The following RAPGEF2 variants were observed in gnomAD, a reference collection of about 807,000 sequenced individuals.
RAPGEF2 encodes the protein PDZ domain containing guanine nucleotide exchange factor (GEF) 1.
RAPGEF2 carries 54 observed loss-of-function variants against 186.7 expected under a neutral mutation model. The observed-to-expected ratio is 0.29, with a 90% CI of 0.23 to 0.36. RAPGEF2 has a LOEUF of 0.36. RAPGEF2 is among the 10% of genes least tolerant of loss of function. The pLI is 1.00. For missense variants in RAPGEF2, 1,532 were observed against 2,045.0 expected, an observed-to-expected ratio of 0.75 and a Z score of 4.84; for synonymous variants, 712 against 705.9, an observed-to-expected ratio of 1.01 and a Z score of -0.14.
At chr4:159,185,922 C>G (rs924487407) in intron 1 of RAPGEF2, among the ~76,000 whole-genome samples, 1 of 152,006 alleles carries the variant, frequency 6.6e-6, no homozygotes, top group Non-Finnish European at 1.5e-5. Flanking sequence ...GTAAATATCC[C>G]TCATATTCTT....
At chr4:159,133,733 G>A (rs1330309118) in intron 1 of RAPGEF2, among the ~76,000 whole-genome samples, 2 of 152,082 alleles carry the variant, frequency 1.3e-5, no homozygotes, top group Non-Finnish European at 2.9e-5. Context: ...ACAGGTGCCT[G>A]CCACCACGCC....
At chr4:159,203,826 A>G (rs1317389057) in intron 3 of RAPGEF2, among the ~76,000 whole-genome samples, 1 of 152,238 alleles carries the variant, frequency 6.6e-6, no homozygotes, top group Non-Finnish European at 1.5e-5. Context: ...TACTGCATAT[A>G]TATTGTTTCA....
Position 159,346,842 on chromosome 4 carries a change from G to C in RAPGEF2, c.3556G>C (p.Ala1186Pro). ...KPVKSETSPV[A>P]PRAGSQQKAQ... ...TGTCAAATCCGAGACCTCTCCAGTAGCTCCAAGGGCAGGGTCACAACAGAA... is the reference window on the plus strand; with the variant it reads ...TGTCAAATCCGAGACCTCTCCAGTACCTCCAAGGGCAGGGTCACAACAGAA... The change falls in exon 25 of 30, where the codon GCT (alanine) becomes CCT (proline). Residue 1186 changes from alanine (A) to proline (P), a missense_variant. Ala to Pro is a conservative substitution (Grantham distance 27). This residue lies in a region of RAPGEF2 where 594 missense variants were observed against 608.5 expected (regional missense o/e 0.98). Transcript: ENST00000691494. 1 of 1,614,120 alleles carries C rather than the reference G, an allele frequency of 6.2e-7. No homozygotes were observed. The highest frequency in any genetic ancestry group is 8.5e-7 in the Non-Finnish European group (1 of 1,180,024).
At chr4:159,286,271 C>T (rs984603842) in intron 7 of RAPGEF2, among the ~76,000 whole-genome samples, 1 of 152,086 alleles carries the variant, frequency 6.6e-6, no homozygotes, top group Non-Finnish European at 1.5e-5. Context: ...CTTCTACCTG[C>T]CTCACCATGA....
chr4:159,175,330 A>AT (rs935540061), intron 1 of RAPGEF2, among the ~76,000 whole-genome samples: 1 of 151,874 alleles, frequency 6.6e-6, no homozygotes, highest in Non-Finnish European at 1.5e-5. Context: ...TCTGCTATGG[A>AT]TTTTTTTTCT....
chr4:159,257,519 G>A (rs1342725947), intron 7 of RAPGEF2, among the ~76,000 whole-genome samples: 3 of 152,138 alleles, frequency 2.0e-5, no homozygotes, highest in South Asian at 2.1e-4. Flanking sequence ...TGGGAATTAC[G>A]GGAGCTGTAA....
At chr4:159,295,032 G>T (rs912723290) in intron 7 of RAPGEF2, among the ~76,000 whole-genome samples, 2 of 152,144 alleles carry the variant, frequency 1.3e-5, no homozygotes, top group Non-Finnish European at 2.9e-5. Flanking sequence ...CAACATCTGG[G>T]CTCTTCATAG....
intron 7 of RAPGEF2, among the ~76,000 whole-genome samples, chr4:159,303,021 TTGTA>T (rs1387559066): frequency 6.6e-6 from 1 of 152,156 alleles, no homozygotes; most frequent in African/African-American, 2.4e-5. Flanking sequence ...AATCTCCCCT[TTGTA>T]TGCCTTGTAT....
intron 7 of RAPGEF2, among the ~76,000 whole-genome samples, chr4:159,258,226 C>T (rs1199366065): frequency 6.6e-6 from 1 of 152,054 alleles, no homozygotes; most frequent in Non-Finnish European, 1.5e-5. Context: ...TTTAGAGCTG[C>T]TAAAGAGAGG....
At chr4:159,261,565 T>C (rs1398258589) in intron 7 of RAPGEF2, among the ~76,000 whole-genome samples, 2 of 152,224 alleles carry the variant, frequency 1.3e-5, no homozygotes, top group Non-Finnish European at 2.9e-5. Context: ...TTTGAGATGT[T>C]TACAAAGATC....
chr4:159,249,915 C>T lies in RAPGEF2; in HGVS notation c.543+6124C>T, dbSNP rs1028018311. Among the ~76,000 whole-genome samples the T allele has an allele frequency of 2.6e-5, 4 of 152,184 alleles. No homozygotes were observed. In the East Asian group the frequency reaches 5.8e-4, roughly 22 times the overall value. On this transcript the variant is annotated intron_variant, in intron 7 of 29. Transcript: ENST00000691494. ...TAGGGTTAAGTATATTAGTAGTAAA[C>T]TGGACTGACTGAGCATATCCATTTC...
At chr4:159,356,259 T>G in intron 29 of RAPGEF2, 101 bp downstream of exon 29, 1 of 1,211,182 alleles carries the variant, frequency 8.3e-7, no homozygotes, top group South Asian at 1.5e-5. Flanking sequence ...GTCAGCTATG[T>G]CTAACCATAT....
At position 159,346,972 on chromosome 4, in the gene RAPGEF2, T is replaced by C; in HGVS notation, c.3686T>C (p.Val1229Ala). 6.2e-7 allele frequency: 1 copy of C among 1,614,096 alleles called. No homozygotes were observed. Among genetic ancestry groups the C allele is most frequent in the Non-Finnish European group, 8.5e-7 (1 of 1,179,936 alleles). The change falls in exon 25 of 30, where the codon GTG becomes GCG. Residue 1229 changes from valine to alanine, a missense_variant. By Grantham distance (64) the Val-to-Ala change is moderately conservative. Around this residue, in one of 4 missense-constraint regions of RAPGEF2, gnomAD observed 594 missense variants for 608.5 expected, o/e 0.98. Coordinates refer to ENST00000691494, the MANE Select transcript of RAPGEF2 (RefSeq NM_001394067.2). The part of the protein sequence containing the change: ...AVSLYPSRKK[V>A]PVKDLPPFGI... Reference sequence around the variant, plus strand: ...TCCCTTTATCCTTCACGGAAGAAAGTGCCCGTAAAGGATCTCCCACCTTTT... The same window carrying C: ...TCCCTTTATCCTTCACGGAAGAAAGCGCCCGTAAAGGATCTCCCACCTTTT...
chr4:159,171,502 T>C (rs1229750872), intron 1 of RAPGEF2, among the ~76,000 whole-genome samples: 1 of 152,146 alleles, frequency 6.6e-6, no homozygotes, highest in Non-Finnish European at 1.5e-5. Context: ...GTGACTCATC[T>C]GCCTAGTGGC....
rs114486678 is a variant in RAPGEF2 at position 159,179,733 on chromosome 4, A to G, written c.70-6909A>G. ...ATAGGAGTGACCACTATGGGCAGGA[A>G]AGGAGTGGGGGTAGCTCCTGGGCAG... On this transcript the variant is annotated intron_variant, in intron 1 of 29. Coordinates refer to ENST00000691494, the MANE Select transcript of RAPGEF2 (RefSeq NM_001394067.2). Among the ~76,000 whole-genome samples the G allele has an allele frequency of 6.6e-3, 1,002 of 152,296 alleles. 7 individuals are homozygous for G. Among genetic ancestry groups the G allele is most frequent in the Non-Finnish European group, 8.9e-3 (607 of 68,028 alleles).
chr4:159,245,509 T>A (rs1030617621), intron 7 of RAPGEF2, among the ~76,000 whole-genome samples: 4 of 152,072 alleles, frequency 2.6e-5, no homozygotes, highest in Non-Finnish European at 5.9e-5. Flanking sequence ...GGACTTTGGA[T>A]GGTAATAGTT....
In RAPGEF2 at chr4:159,343,011, G is replaced by A. The variant is rs557800848; in HGVS notation, c.2951G>A (p.Arg984Gln). 11 of 1,613,908 alleles carry A rather than the reference G, an allele frequency of 6.8e-6. No individual in the cohort carries two copies. The highest frequency in any genetic ancestry group is 1.3e-5 in the African/African-American group (1 of 74,988). Residue 984 changes from arginine to glutamine, a missense_variant, in exon 21 of 30, where the codon CGA (arginine) becomes CAA (glutamine). Physicochemically the swap from Arg to Gln is conservative, Grantham distance 43. Transcript: ENST00000691494. The part of the protein sequence containing the change: ...GLNLAPVARL[R>Q]TTWEKLPNKY... The stretch of plus-strand genomic sequence containing the variant: ...AACCTGGCACCAGTGGCAAGACTGC[G>A]AACGACCTGGGAGAAACTTCCCAAT...
At chr4:159,231,405 TATA>T (rs1360296454) in intron 4 of RAPGEF2, among the ~76,000 whole-genome samples, 1 of 152,126 alleles carries the variant, frequency 6.6e-6, no homozygotes, top group Non-Finnish European at 1.5e-5. Context: ...ATGTTATGTA[TATA>T]ATATATTCTC....
chr4:159,222,065 A>G (rs1751598472), intron 4 of RAPGEF2, among the ~76,000 whole-genome samples: 1 of 152,226 alleles, frequency 6.6e-6, no homozygotes, highest in Non-Finnish European at 1.5e-5. Flanking sequence ...TCAGTATGAA[A>G]TACCTTCATC....
Sources: allele counts gnomAD v4.1 joint callset (sites outside exome capture counted in the v4.1 genomes callset), GRCh38; gene constraint gnomAD v4.1.1; regional missense constraint gnomAD v4.1.1; transcripts MANE v1.5; gene names NCBI Gene and HGNC (gene_info 2026-07-23, HGNC 2026-07-21).